Variants in SETD1A observed in about 807,000 individuals in gnomAD.
SETD1A encodes SET domain containing 1A, histone lysine methyltransferase, also known as histone-lysine N-methyltransferase SETD1A.
In SETD1A, 29 loss-of-function variants were observed where a neutral mutation model predicts 149.9. That is an observed-to-expected ratio of 0.19 (90% CI 0.14 to 0.26). The LOEUF (loss-of-function observed/expected upper bound fraction) is 0.26, where lower values mean the gene tolerates loss of function less well. Among genes scored for constraint, SETD1A ranks in the 10% least tolerant of loss-of-function variants. SETD1A has a pLI of 1.00. For missense variants in SETD1A, 2,109 were observed against 2,353.1 expected, an observed-to-expected ratio of 0.90 and a Z score of 2.15; for synonymous variants, 1,141 against 968.5, an observed-to-expected ratio of 1.18 and a Z score of -3.31.
Position 30,965,972 on chromosome 16 carries a change from G to A in SETD1A, c.2091G>A (p.Lys697=), listed in dbSNP as rs766666561. ...GGCTCCATCAGCTGCGGCAGGGCAA[G>A]GGATTGATTGCCGCCTCAGCTGGCC... ...LTRLHQLRQG[K]GLIAASAGPP... is the part of the protein sequence containing the mutation. The change falls in exon 8 of 19, where the codon AAG becomes AAA. Residue 697 remains lysine, a synonymous_variant. Transcript: ENST00000262519. 2 of 1,593,176 alleles carry A rather than the reference G, an allele frequency of 1.3e-6. No individual in the cohort carries two copies. The highest frequency in any genetic ancestry group is 1.7e-6 in the Non-Finnish European group (2 of 1,168,934).
chr16:30,979,185 C>G lies in SETD1A; in HGVS notation c.3399C>G (p.Pro1133=). The G allele has an allele frequency of 6.3e-7, 1 of 1,589,474 alleles. No homozygotes were observed. The highest frequency in any genetic ancestry group is 8.6e-7 in the Non-Finnish European group (1 of 1,168,532). ...EESPPSAPLR[P]PEPPAGPPAP... The stretch of plus-strand genomic sequence containing the variant: ...CACCCCCCAGTGCGCCTCTGCGTCC[C>G]CCAGAACCACCTGCTGGGCCCCCGG... The change falls in exon 14 of 19, where the codon CCC becomes CCG. Residue 1133 remains proline (P), a synonymous_variant. Transcript: ENST00000262519.
rs1160451794 is a variant in SETD1A at position 30,979,239 on chromosome 16, C to G, written c.3453C>G (p.Pro1151=). The G allele has an allele frequency of 4.4e-6, 7 of 1,605,040 alleles. No individual in the cohort carries two copies. In the South Asian group the frequency reaches 5.5e-5, roughly 13 times the overall value. Residue 1151 remains proline (P), a synonymous_variant, in exon 14 of 19, where the codon CCC becomes CCG. Coordinates refer to ENST00000262519, the MANE Select transcript of SETD1A (RefSeq NM_014712.3). ...CTGCCCCACGCCCCGATGAGCGTCC[C>G]TCTTCTCCCATCCCCCTCCTGCCCC... ...PAPAPRPDER[P]SSPIPLLPPP...
chr16:30,964,927 C>G lies in SETD1A; in HGVS notation c.1185C>G (p.Ala395=), dbSNP rs199771450. The G allele has an allele frequency of 5.6e-6, 9 of 1,614,074 alleles. No individual in the cohort carries two copies. The East Asian group carries it at 1.6e-4, about 28-fold the overall frequency. ...RRATREEPPG[A]PFAENTAERF... The stretch of plus-strand genomic sequence containing the variant: ...CCACACGGGAGGAACCCCCTGGAGC[C>G]CCTTTTGCTGAAAATACAGCTGAGC... The change falls in exon 7 of 19, where the codon GCC becomes GCG. Residue 395 remains alanine, a synonymous_variant. Transcript: ENST00000262519.
In SETD1A at chr16:30,983,957, C is replaced by T; in HGVS notation, c.5058C>T (p.Phe1686=). 6.2e-7 allele frequency: 1 copy of T among 1,614,154 alleles called. No homozygotes were observed. Among genetic ancestry groups the T allele is most frequent in the Non-Finnish European group, 8.5e-7 (1 of 1,180,000 alleles). ...VDEEITYDYK[F]PLEDNKIPCL... ...AGGAGATCACCTACGACTACAAGTT[C>T]CCACTGGAAGACAACAAGATCCCGT... The change falls in exon 19 of 19, where the codon TTC becomes TTT. Residue 1686 remains phenylalanine, a synonymous_variant. Coordinates refer to ENST00000262519, the MANE Select transcript of SETD1A (RefSeq NM_014712.3). The surrounding 1 kb of genome is among the most constrained non-coding windows in gnomAD (Gnocchi z 6.8).
At chr16:30,979,112 ACCT>A (rs763745857) in intron 13 of SETD1A, 30 bp from the exon 14 acceptor site, 98 of 1,507,052 alleles carry the variant, frequency 6.5e-5, no homozygotes, top group Non-Finnish European at 8.1e-5. Flanking sequence ...GGTCTCCCTG[ACCT>A]CCTTTCCTTC....
rs1251539713 is a variant in SETD1A, at chr16:30,983,115, C to T, written c.4813-520C>T. Among the ~76,000 whole-genome samples, 2 of 152,120 alleles carry T rather than the reference C, an allele frequency of 1.3e-5. No individual in the cohort carries two copies. Among genetic ancestry groups the T allele is most frequent in the Non-Finnish European group, 2.9e-5 (2 of 68,016 alleles). On this transcript the variant is annotated intron_variant, in intron 17 of 18. Transcript: ENST00000262519. This position sits in a 1 kb window ranked among gnomAD's most constrained non-coding sequence, Gnocchi z 6.8. ...AGGGAGTGAGGTCACCCGAGGAGGGCGTGCAGAGGCTCCTCACTGTCTTCT... is the reference window on the plus strand; with the variant it reads ...AGGGAGTGAGGTCACCCGAGGAGGGTGTGCAGAGGCTCCTCACTGTCTTCT...
intron 12 of SETD1A, among the ~76,000 whole-genome samples, chr16:30,970,237 G>A (rs2143529711): frequency 6.7e-6 from 1 of 148,576 alleles, no homozygotes; most frequent in South Asian, 2.1e-4. Context: ...TGGAAGTGCT[G>A]GGATTACAGG....
At position 30,980,351 on chromosome 16, in the gene SETD1A, G is replaced by T; in HGVS notation, c.4409-134G>T. On this transcript the variant is annotated intron_variant, in intron 14 of 18. Transcript: ENST00000262519. This position sits in a 1 kb window ranked among gnomAD's most constrained non-coding sequence, Gnocchi z 7.7. The stretch of plus-strand genomic sequence containing the variant: ...TTTTCTGCCTTCCAAAGCATTTCTG[G>T]CAGGAACGATGGGGCTGGGGCTTCC... The T allele has an allele frequency of 6.9e-7, 1 of 1,450,148 alleles. No individual in the cohort carries two copies. Among genetic ancestry groups the T allele is most frequent in the South Asian group, 1.4e-5 (1 of 73,110 alleles). 89.8% of individuals were successfully genotyped at this position (1,450,148 alleles called of 1,614,324 possible). A position where few individuals can be genotyped will look rare whatever the true frequency, so the allele number is the denominator to read the frequency against.
intron 2 of SETD1A, 47 bp downstream of exon 2, chr16:30,958,928 C>A: frequency 6.2e-7 from 1 of 1,608,296 alleles, no homozygotes; most frequent in South Asian, 1.1e-5. Context: ...TCCAGGCGCC[C>A]GTCCTCTGTG....
rs759735677 is a variant in SETD1A at position 30,971,705 on chromosome 16, C to G, written c.3344C>G (p.Pro1115Arg). 3 of 1,570,494 alleles carry G rather than the reference C, an allele frequency of 1.9e-6. No homozygotes were observed. Among genetic ancestry groups the G allele is most frequent in the Non-Finnish European group, 2.6e-6 (3 of 1,154,790 alleles). Residue 1115 changes from proline (P) to arginine (R), a missense_variant, in exon 13 of 19, where the codon CCA becomes CGA. Transcript: ENST00000262519. ...CCCCTGCCCGAACAGGAGGCGTCTC[C>G]AGCAAGGCCTGCAGGTAGGTGCCAC... ...VTPLPEQEAS[P>R]ARPAGPTEES...
chr16:30,965,375 C>G lies in SETD1A; in HGVS notation c.1633C>G (p.Pro545Ala), dbSNP rs2056125886. The change falls in exon 7 of 19, where the codon CCA becomes GCA. Residue 545 changes from proline (P) to alanine (A), a missense_variant. Pro to Ala is a conservative substitution (Grantham distance 27). Coordinates refer to ENST00000262519, the MANE Select transcript of SETD1A (RefSeq NM_014712.3). ...GHGPCTPPPA[P>A]ANFEDVAPTG... is the part of the protein sequence containing the mutation. ...TGGGCCCTGCACACCCCCTCCGGCC[C>G]CAGCTAATTTTGAGGATGTGGCACC... 6.2e-7 allele frequency: 1 copy of G among 1,611,122 alleles called. No individual in the cohort carries two copies. Among genetic ancestry groups the G allele is most frequent in the African/African-American group, 1.3e-5 (1 of 74,992 alleles).
rs745470457 is a variant in SETD1A at position 30,965,940 on chromosome 16, T to A, written c.2059T>A (p.Leu687Ile). The A allele has an allele frequency of 6.2e-7, 1 of 1,609,392 alleles. No homozygotes were observed. The highest frequency in any genetic ancestry group is 1.1e-5 in the South Asian group (1 of 90,478). The stretch of plus-strand genomic sequence containing the variant: ...GTCCTTCCAGATGCAGACCCAGATG[T>A]TAACTCGGCTCCATCAGCTGCGGCA... Reference protein sequence around the residue: ...PMSFQMQTQMLTRLHQLRQGK... With the variant: ...PMSFQMQTQMITRLHQLRQGK... The change falls in exon 8 of 19, where the codon TTA becomes ATA. Residue 687 changes from leucine to isoleucine, a missense_variant. This residue lies in a region of SETD1A where 431 missense variants were observed against 388.6 expected (regional missense o/e 1.11). Transcript: ENST00000262519.
intron 13 of SETD1A, among the ~76,000 whole-genome samples, chr16:30,975,147 A>G (rs1443177100): frequency 4.7e-5 from 7 of 147,464 alleles, no homozygotes. Flanking sequence ...ACTGTCTCCA[A>G]AAAAAAAAAA....
rs1049127577 is a variant in SETD1A, at chr16:30,957,962, C to G, written c.-18C>G. On this transcript the variant is annotated splice_region_variant and 5_prime_UTR_variant, in exon 1 of 19. Coordinates refer to ENST00000262519, the MANE Select transcript of SETD1A (RefSeq NM_014712.3). ...GACCCTGTGCCCGCTGGGCCTCGCG[C>G]AGGTGGCAGTGGTGTTTGGTGCGCG... 6.6e-6 allele frequency: 1 copy of G among 152,216 alleles called. No individual in the cohort carries two copies. The highest frequency in any genetic ancestry group is 1.5e-5 in the Non-Finnish European group (1 of 67,994). 9.4% of individuals were successfully genotyped at this position (152,216 alleles called of 1,614,324 possible). A position where few individuals can be genotyped will look rare whatever the true frequency, so the allele number is the denominator to read the frequency against.
At position 30,963,417 on chromosome 16, in the gene SETD1A, A is replaced by G; in HGVS notation, c.518-16A>G. ...TATCTCCATCTGACAATTGGTTCCCATTTCCCTCCCTCCAGGACAACAACG... is the reference window on the plus strand; with the variant it reads ...TATCTCCATCTGACAATTGGTTCCCGTTTCCCTCCCTCCAGGACAACAACG... On this transcript the variant is annotated splice_polypyrimidine_tract_variant and intron_variant, in intron 4 of 18. Transcript: ENST00000262519. 1 of 1,587,572 alleles carries G rather than the reference A, an allele frequency of 6.3e-7. No individual in the cohort carries two copies. The highest frequency in any genetic ancestry group is 8.6e-7 in the Non-Finnish European group (1 of 1,166,818).
chr16:30,960,730 CTT>C (rs71374043), intron 3 of SETD1A, among the ~76,000 whole-genome samples: 7 of 80,540 alleles, frequency 8.7e-5, no homozygotes, highest in African/African-American at 2.7e-4. Flanking sequence ...TTCTTTCTTT[CTT>C]TTTTTTTTTT....
At chr16:30,959,686 C>T (rs554693325) in intron 3 of SETD1A, among the ~76,000 whole-genome samples, 1 of 151,970 alleles carries the variant, frequency 6.6e-6, no homozygotes, top group Non-Finnish European at 1.5e-5. Context: ...TCTTCATTTC[C>T]TTCTCTGATT....
chr16:30,959,140 T>C lies in SETD1A; in HGVS notation c.200T>C (p.Val67Ala), dbSNP rs1293307335. The change falls in exon 3 of 19, where the codon GTC becomes GCC. Residue 67 changes from valine (V) to alanine (A), a missense_variant. This residue lies in a region of SETD1A where 75 missense variants were observed against 95.3 expected (regional missense o/e 0.79). Coordinates refer to ENST00000262519, the MANE Select transcript of SETD1A (RefSeq NM_014712.3). ...VEDLQDPRCH[V>A]RSKNRDFSLP... The stretch of plus-strand genomic sequence containing the variant: ...GACCTCCAAGACCCCCGTTGCCATG[T>C]CAGGTCCAAAAACAGAGACTTTTCC... 1 of 1,613,984 alleles carries C rather than the reference T, an allele frequency of 6.2e-7. No individual in the cohort carries two copies. The highest frequency in any genetic ancestry group is 1.1e-5 in the South Asian group (1 of 91,082).
rs1218040049 is a variant in SETD1A at position 30,964,306 on chromosome 16, C to G, written c.852C>G (p.Asp284Glu). The change falls in exon 6 of 19, where the codon GAC (aspartate) becomes GAG (glutamate). Residue 284 changes from aspartate to glutamate, a missense_variant. Transcript: ENST00000262519. ...GGGGCAGCACCCCCTACTCTCAGGA[C>G]TCTGCCTACTCCAGCAGGTACAGAG... ...TSRGSTPYSQDSAYSSSTTST... is the reference protein window; with the variant it reads ...TSRGSTPYSQESAYSSSTTST... The G allele has an allele frequency of 1.2e-6, 2 of 1,613,438 alleles. No individual in the cohort carries two copies. Among genetic ancestry groups the G allele is most frequent in the African/African-American group, 1.3e-5 (1 of 74,918 alleles).
Sources: gnomAD v4.1 joint callset for allele counts (sites outside exome capture counted in the v4.1 genomes callset) on GRCh38, gnomAD v4.1.1 for gene constraint, gnomAD v4.1.1 regional missense constraint, Gnocchi (gnomAD v3.1) non-coding constraint, MANE v1.5 for transcripts, NCBI Gene and HGNC (gene_info 2026-07-23, HGNC 2026-07-21) for gene names.